Variants in OSBPL10 observed in about 807,000 individuals in gnomAD.
OSBPL10 encodes the protein oxysterol-binding protein-related protein 10.
A neutral mutation model predicts 81.7 loss-of-function variants in OSBPL10; 49 were observed. The observed-to-expected ratio is 0.60, with a 90% CI of 0.48 to 0.76. The LOEUF is 0.76. OSBPL10 is among the 30% of genes least tolerant of loss of function. The probability of loss-of-function intolerance (pLI) is 0.00; values close to 1 mark genes in which losing one functional copy is unlikely to be tolerated. For synonymous variants in OSBPL10, 419 were observed against 383.6 expected (o/e 1.09, Z -1.08); for missense variants, 923 against 987.8 (o/e 0.93, Z 0.88).
chr3:32,038,277 A>G (rs1172025978), intron 2 of OSBPL10, among the ~76,000 whole-genome samples: 1 of 152,222 alleles, frequency 6.6e-6, no homozygotes, highest in South Asian at 2.1e-4. Flanking sequence ...AGACCACATG[A>G]TATAACAGGA....
intron 1 of OSBPL10, among the ~76,000 whole-genome samples, chr3:31,881,067 G>C (rs1695561986): frequency 6.6e-6 from 1 of 152,198 alleles, no homozygotes; most frequent in Non-Finnish European, 1.5e-5. Flanking sequence ...GCCGTGTCAA[G>C]TTCTCCTGAC....
chr3:31,821,435 C>T (rs565422623), intron 4 of OSBPL10, among the ~76,000 whole-genome samples: 7 of 152,140 alleles, frequency 4.6e-5, no homozygotes, highest in Admixed American at 1.3e-4. Flanking sequence ...TCAACAAATG[C>T]CCCTTTTACC....
chr3:31,744,701 C>T (rs182660163), intron 5 of OSBPL10, among the ~76,000 whole-genome samples: 72 of 151,760 alleles, frequency 4.7e-4, no homozygotes, highest in Middle Eastern at 3.4e-3. Context: ...ATTTCCATTT[C>T]AACCCGTCAC....
chr3:31,825,497 T>C (rs1383588851), intron 4 of OSBPL10, among the ~76,000 whole-genome samples: 5 of 150,896 alleles, frequency 3.3e-5, no homozygotes, highest in Admixed American at 2.0e-4. Flanking sequence ...AATCTGTAAA[T>C]TTTTTGTTGA....
intron 1 of OSBPL10, among the ~76,000 whole-genome samples, chr3:31,890,904 T>C (rs1360829063): frequency 6.6e-6 from 1 of 152,136 alleles, no homozygotes; most frequent in African/African-American, 2.4e-5. Flanking sequence ...CTTTGTACTA[T>C]AACACACCCA....
chr3:31,967,062 G>C (rs2125481720), intron 1 of OSBPL10, among the ~76,000 whole-genome samples: 1 of 150,530 alleles, frequency 6.6e-6, no homozygotes, highest in Admixed American at 6.6e-5. Flanking sequence ...AAATAACAAA[G>C]ATTTAAGCTG....
intron 3 of OSBPL10, among the ~76,000 whole-genome samples, chr3:31,852,171 A>G (rs944802426): frequency 1.4e-4 from 21 of 152,318 alleles, no homozygotes; most frequent in African/African-American, 5.1e-4. Context: ...ATCTGCAGAA[A>G]TGGAGATAAG....
chr3:31,833,688 AACACGCACACGC>A lies in OSBPL10; in HGVS notation c.538-3469_538-3458del, dbSNP rs57555641. Among the ~76,000 whole-genome samples the A allele has an allele frequency of 7.6e-3, 1,078 of 141,594 alleles. 11 individuals carry two copies. The highest frequency in any genetic ancestry group is 0.028 in the African/African-American group (977 of 35,266). The allele number at this position is 141,594 out of a possible 152,430, so 92.9% of individuals were successfully genotyped here. Reference sequence around the variant, plus strand: ...CATTAAATATCAAGATTGTAGGGAAAACACGCACACGCACACGCACACACACACACACACACA... The same window carrying A: ...CATTAAATATCAAGATTGTAGGGAAAACACGCACACACACACACACACACA... On this transcript the variant is annotated intron_variant, in intron 3 of 11. Coordinates refer to ENST00000396556, the MANE Select transcript of OSBPL10 (RefSeq NM_017784.5).
At chr3:31,825,165 A>T (rs1479849030) in intron 4 of OSBPL10, among the ~76,000 whole-genome samples, 1 of 152,180 alleles carries the variant, frequency 6.6e-6, no homozygotes, top group Non-Finnish European at 1.5e-5. Flanking sequence ...TTAAGAGCAG[A>T]AAGGTGACAT....
At chr3:31,927,181 C>T (rs1348439960) in intron 1 of OSBPL10, among the ~76,000 whole-genome samples, 6 of 151,946 alleles carry the variant, frequency 3.9e-5, no homozygotes, top group Non-Finnish European at 8.8e-5. Context: ...TCCCAAGTCA[C>T]TGACATTTCA....
At chr3:31,866,536 G>A (rs1701186955) in intron 3 of OSBPL10, among the ~76,000 whole-genome samples, 1 of 152,176 alleles carries the variant, frequency 6.6e-6, no homozygotes, top group African/African-American at 2.4e-5. Context: ...TTTCTCTACG[G>A]CCTCCTTTCT....
chr3:31,857,924 G>T (rs1408003119), intron 3 of OSBPL10, among the ~76,000 whole-genome samples: 1 of 151,054 alleles, frequency 6.6e-6, no homozygotes, highest in Non-Finnish European at 1.5e-5. Context: ...GAAAAAGTAA[G>T]TATGTGTGTG....
rs755489489 is a variant in OSBPL10, at chr3:32,054,526, C to CTTTTTTTTTTTTTTTTTTTTTTTTTTT, written n.186-7924_186-7923insAAAAAAAAAAAAAAAAAAAAAAAAAAA. Among the ~76,000 whole-genome samples the CTTTTTTTTTTTTTTTTTTTTTTTTTTT allele has an allele frequency of 5.8e-5, 5 of 86,604 alleles. 2 individuals are homozygous for CTTTTTTTTTTTTTTTTTTTTTTTTTTT. 56.8% of individuals were successfully genotyped at this position (86,604 alleles called of 152,430 possible). A position where few individuals can be genotyped will look rare whatever the true frequency, so the allele number is the denominator to read the frequency against. ...ACCAACATTTCCTGGTCAATGGTGG[C>CTTTTTTTTTTTTTTTTTTTTTTTTTTT]TTTTTTTTTTTTTTTTTTTTTTTGA... On this transcript the variant is annotated intron_variant and non_coding_transcript_variant, in intron 1 of 3. Transcript: ENST00000479173.
At chr3:32,069,966 G>T (rs1699813918) in intron 1 of OSBPL10, among the ~76,000 whole-genome samples, 1 of 152,168 alleles carries the variant, frequency 6.6e-6, no homozygotes, top group Non-Finnish European at 1.5e-5. Flanking sequence ...CCCACTGGAG[G>T]TTGGACTCTC....
chr3:31,982,233 C>T (rs916724428), upstream of OSBPL10, among the ~76,000 whole-genome samples: 14 of 152,180 alleles, frequency 9.2e-5, no homozygotes, highest in African/African-American at 3.1e-4. Context: ...ACTTCTGCGC[C>T]CCTCTTCCTA....
intron 6 of OSBPL10, chr3:31,714,672 T>A (rs1696375734): frequency 6.6e-6 from 1 of 152,330 alleles, no homozygotes; most frequent in African/African-American, 2.4e-5. Flanking sequence ...CCTTTCCTGT[T>A]TTGCGCACCA....
chr3:31,736,318 T>C (rs943850763), intron 5 of OSBPL10, among the ~76,000 whole-genome samples: 1 of 150,466 alleles, frequency 6.6e-6, no homozygotes, highest in Non-Finnish European at 1.5e-5. Context: ...AATTTTTTTC[T>C]TAATGGCAAA....
At chr3:32,045,718 A>T (rs1699615017) in intron 2 of OSBPL10, among the ~76,000 whole-genome samples, 1 of 152,228 alleles carries the variant, frequency 6.6e-6, no homozygotes, top group South Asian at 2.1e-4. Flanking sequence ...AGTGAAGCTA[A>T]GCTTCCTCCC....
At chr3:31,898,054 A>T (rs1191552042) in intron 1 of OSBPL10, among the ~76,000 whole-genome samples, 2 of 150,664 alleles carry the variant, frequency 1.3e-5, no homozygotes, top group Non-Finnish European at 1.5e-5. Flanking sequence ...AAGAAGAGAA[A>T]GGAATGATAT....
Sources: gnomAD v4.1 joint callset for allele counts (sites outside exome capture counted in the v4.1 genomes callset) on GRCh38, gnomAD v4.1.1 for gene constraint, MANE v1.5 for transcripts, NCBI Gene and HGNC (gene_info 2026-07-23, HGNC 2026-07-21) for gene names.